NSD3: variants seen among roughly 807,000 people sequenced by gnomAD.
NSD3 encodes nuclear receptor binding SET domain protein 3.
Under a neutral mutation model 160.8 loss-of-function variants are expected in NSD3, and 24 were observed. That is an observed-to-expected ratio of 0.15 (90% CI 0.11 to 0.21). The LOEUF is 0.21. Among genes scored for constraint, NSD3 ranks in the 10% least tolerant of loss-of-function variants. The pLI is 1.00. For missense variants in NSD3, 1,157 were observed against 1,735.9 expected (o/e 0.67, Z 5.93); for synonymous variants, 520 against 600.0 (o/e 0.87, Z 1.95).
intron 8 of NSD3, chr8:38,320,635 C>G (rs1259021973): frequency 6.6e-6 from 1 of 151,308 alleles, no homozygotes; most frequent in Non-Finnish European, 1.5e-5. Context: ...CTATGAATAT[C>G]TGCTTCTTAA....
chr8:38,379,010 A>G (rs972313215), intron 1 of NSD3, among the ~76,000 whole-genome samples: 2 of 152,130 alleles, frequency 1.3e-5, no homozygotes, highest in Admixed American at 1.3e-4. Context: ...AGTTCACTCA[A>G]CAATCACCAA....
chr8:38,339,849 T>A (rs1357447078), intron 2 of NSD3, among the ~76,000 whole-genome samples: 2 of 152,182 alleles, frequency 1.3e-5, no homozygotes, highest in Non-Finnish European at 1.5e-5. Flanking sequence ...AAATTTATTC[T>A]ATAGAAATAT....
chr8:38,379,672 T>G (rs1811488072), intron 1 of NSD3, among the ~76,000 whole-genome samples: 2 of 152,244 alleles, frequency 1.3e-5, no homozygotes, highest in Admixed American at 1.3e-4. Flanking sequence ...TAAGCTTCTG[T>G]ATAACAACTG....
chr8:38,289,397 A>C lies in NSD3; in HGVS notation c.3227T>G (p.Ile1076Ser), dbSNP rs1429142586. Residue 1076 changes from isoleucine (I) to serine (S), a missense_variant, in exon 18 of 24, where the codon ATC becomes AGC. By Grantham distance (142) the Ile-to-Ser change is moderately radical. This residue lies in a region of NSD3 where 437 missense variants were observed against 576.6 expected (regional missense o/e 0.76). Transcript: ENST00000317025. ...NSRKPPPYKH[I>S]KANKVIGKVQ... ...AGGCCAGAGATAAAGACTTACTTTG[A>C]TGTGTTTGTAGGGAGGGGGTTTTCT... is the stretch of plus-strand genomic sequence containing the variant. 6.2e-7 allele frequency: 1 copy of C among 1,611,356 alleles called. No homozygotes were observed.
chr8:38,324,877 G>A (rs2150373350), intron 7 of NSD3, among the ~76,000 whole-genome samples: 2 of 152,314 alleles, frequency 1.3e-5, no homozygotes, highest in East Asian at 3.9e-4. Flanking sequence ...AGAAATTCCA[G>A]GTTGCTGAAC....
At position 38,273,224 on chromosome 8, in the gene NSD3, C is replaced by G. The variant is rs1309522442; in HGVS notation, c.*2417G>C. ...TGTTGGTCAGGCTGGTCTCAAACTC[C>G]TGACCTCATGATCTGCCCACCTCGG... On this transcript the variant is annotated 3_prime_UTR_variant, in exon 24 of 24. Coordinates refer to ENST00000317025, the MANE Select transcript of NSD3 (RefSeq NM_023034.2). The G allele has an allele frequency of 2.6e-5, 4 of 152,190 alleles. No homozygotes were observed. The highest frequency in any genetic ancestry group is 9.7e-5 in the African/African-American group (4 of 41,432). 9.4% of individuals were successfully genotyped at this position (152,190 alleles called of 1,614,324 possible). A position where few individuals can be genotyped will look rare whatever the true frequency, so the allele number is the denominator to read the frequency against.
At chr8:38,357,963 C>T (rs1350155342) in intron 1 of NSD3, among the ~76,000 whole-genome samples, 1 of 151,960 alleles carries the variant, frequency 6.6e-6, no homozygotes, top group Non-Finnish European at 1.5e-5. Flanking sequence ...CTCTTTAGTT[C>T]TAGACTTAAC....
intron 1 of NSD3, among the ~76,000 whole-genome samples, chr8:38,378,882 A>T (rs1811469264): frequency 6.6e-6 from 1 of 152,114 alleles, no homozygotes; most frequent in Non-Finnish European, 1.5e-5. Context: ...GATAAAAGGA[A>T]ATCATGCATG....
chr8:38,321,187 A>C lies in NSD3; in HGVS notation c.1709-15T>G. 1.2e-6 allele frequency: 2 copies of C among 1,603,380 alleles called. No homozygotes were observed. Among genetic ancestry groups the C allele is most frequent in the Non-Finnish European group, 1.7e-6 (2 of 1,175,386 alleles). The stretch of plus-strand genomic sequence containing the variant: ...TTCTACTGAGCCTAAGAAATGATTT[A>C]AACACACAAACAAAAACTCACTTAA... On this transcript the variant is annotated splice_polypyrimidine_tract_variant and intron_variant, in intron 7 of 23. Transcript: ENST00000317025. This position sits in a 1 kb window ranked among gnomAD's most constrained non-coding sequence, Gnocchi z 4.7.
At chr8:38,299,211 A>T (rs949387112) in intron 15 of NSD3, among the ~76,000 whole-genome samples, 2 of 152,196 alleles carry the variant, frequency 1.3e-5, no homozygotes, top group Non-Finnish European at 2.9e-5. Flanking sequence ...TAAATATGGA[A>T]TGTGTAAAAA....
chr8:38,293,667 A>C (rs1809062462), intron 16 of NSD3, among the ~76,000 whole-genome samples: 1 of 152,094 alleles, frequency 6.6e-6, no homozygotes, highest in Non-Finnish European at 1.5e-5. Flanking sequence ...TCACATCTGT[A>C]ATCCCAGCAC....
chr8:38,271,041 G>A lies in NSD3; in HGVS notation c.*4600C>T, dbSNP rs1808455403. On this transcript the variant is annotated 3_prime_UTR_variant, in exon 24 of 24. Transcript: ENST00000317025. ...GACATAGTAAAAGGAAAGAAGATGT[G>A]CTTGGGGAGAGGGTTGACAAAATGA... 1 of 152,180 alleles carries A rather than the reference G, an allele frequency of 6.6e-6. No homozygotes were observed. Among genetic ancestry groups the A allele is most frequent in the South Asian group, 2.1e-4 (1 of 4,822 alleles). 9.4% of individuals were successfully genotyped at this position (152,180 alleles called of 1,614,324 possible).
At position 38,280,271 on chromosome 8, in the gene NSD3, A is replaced by G. The variant is rs548176916; in HGVS notation, c.3619-590T>C. 1.9e-4 allele frequency: 29 copies of G among 152,322 alleles called. 1 individual carries two copies. Among genetic ancestry groups the G allele is most frequent in the African/African-American group, 6.7e-4 (28 of 41,566 alleles). 9.4% of individuals were successfully genotyped at this position (152,322 alleles called of 1,614,324 possible). A position where few individuals can be genotyped will look rare whatever the true frequency, so the allele number is the denominator to read the frequency against. ...AGGTTTCCTGAATTTGAACTCTAATAATCTGGATAAGCTCCACAGAACTGA... is the reference window on the plus strand; with the variant it reads ...AGGTTTCCTGAATTTGAACTCTAATGATCTGGATAAGCTCCACAGAACTGA... On this transcript the variant is annotated intron_variant, in intron 20 of 23. Transcript: ENST00000317025.
At chr8:38,367,837 A>G (rs891174969) in intron 1 of NSD3, among the ~76,000 whole-genome samples, 2 of 152,214 alleles carry the variant, frequency 1.3e-5, no homozygotes, top group Non-Finnish European at 2.9e-5. Context: ...TTAGTGACAT[A>G]GATAGGATTT....
intron 12 of NSD3, among the ~76,000 whole-genome samples, chr8:38,312,033 T>G (rs917296345): frequency 6.6e-6 from 1 of 152,234 alleles, no homozygotes. Flanking sequence ...CCAGCATCAT[T>G]TGTTGGAAAG....
intron 2 of NSD3, among the ~76,000 whole-genome samples, chr8:38,344,089 T>C (rs1188064126): frequency 6.6e-6 from 1 of 152,220 alleles, no homozygotes; most frequent in African/African-American, 2.4e-5. Context: ...ATTTCAGTAG[T>C]GATCTCAGGT....
Position 38,275,832 on chromosome 8 carries a change from C to G in NSD3, c.4123G>C (p.Val1375Leu). The G allele has an allele frequency of 6.2e-7, 1 of 1,614,164 alleles. No individual in the cohort carries two copies. The highest frequency in any genetic ancestry group is 1.3e-5 in the African/African-American group (1 of 75,032). ...HQCDECSSAA[V>L]SFCEFCPHSF... Reference sequence around the variant, plus strand: ...TGTGGACAGAATTCACAGAAGGAAACAGCTGCACTGCTGCACTCATCGCAC... The same window carrying G: ...TGTGGACAGAATTCACAGAAGGAAAGAGCTGCACTGCTGCACTCATCGCAC... Residue 1375 changes from valine to leucine, a missense_variant, in exon 24 of 24, where the codon GTT (valine) becomes CTT (leucine). Around this residue, in one of 10 missense-constraint regions of NSD3, gnomAD observed 222 missense variants for 409.9 expected, o/e 0.54. Transcript: ENST00000317025.
Position 38,275,624 on chromosome 8 carries a change from GA to G in NSD3, c.*16del. ...TTGCTTTTTTCACTTAAATAGAAAG[GA>G]GGGGACACCACACATTTATTCTTTT... On this transcript the variant is annotated 3_prime_UTR_variant, in exon 24 of 24. Transcript: ENST00000317025. The G allele has an allele frequency of 6.2e-7, 1 of 1,605,486 alleles. No individual in the cohort carries two copies. Among genetic ancestry groups the G allele is most frequent in the Non-Finnish European group, 8.5e-7 (1 of 1,173,870 alleles).
At position 38,319,748 on chromosome 8, in the gene NSD3, T is replaced by C. The variant is rs1340377244; in HGVS notation, c.1810-808A>G. 2.6e-5 allele frequency: 4 copies of C among 152,224 alleles called. No homozygotes were observed. Among genetic ancestry groups the C allele is most frequent in the African/African-American group, 9.6e-5 (4 of 41,456 alleles). 9.4% of individuals were successfully genotyped at this position (152,224 alleles called of 1,614,324 possible). A position where few individuals can be genotyped will look rare whatever the true frequency, so the allele number is the denominator to read the frequency against. Reference sequence around the variant, plus strand: ...AACACATTTTGTAAATATTTAAGGATTGTTCTAAGCTTTTTAAAAAAAATT... The same window carrying C: ...AACACATTTTGTAAATATTTAAGGACTGTTCTAAGCTTTTTAAAAAAAATT... On this transcript the variant is annotated intron_variant, in intron 8 of 23. Transcript: ENST00000317025. The surrounding 1 kb of genome is among the most constrained non-coding windows in gnomAD (Gnocchi z 4.1).
Sources: allele counts gnomAD v4.1 joint callset (sites outside exome capture counted in the v4.1 genomes callset), GRCh38; gene constraint gnomAD v4.1.1; regional missense constraint gnomAD v4.1.1; non-coding constraint Gnocchi (gnomAD v3.1); transcripts MANE v1.5; gene names NCBI Gene and HGNC (gene_info 2026-07-23, HGNC 2026-07-21).